Variants in PARG observed in about 807,000 individuals in gnomAD.
PARG encodes mitochondrial poly(ADP-ribose) glycohydrolase.
PARG carries 35 observed loss-of-function variants against 113.0 expected under a neutral mutation model. The ratio of observed to expected loss-of-function variants is 0.31; its 90% CI spans 0.24 to 0.41. The LOEUF is 0.41. Among genes scored for constraint, PARG ranks in the 10% least tolerant of loss-of-function variants. The pLI is 1.00. For synonymous variants in PARG, 330 were observed against 409.9 expected, an observed-to-expected ratio of 0.81 and a Z score of 2.36; for missense variants, 797 against 1,169.4, an observed-to-expected ratio of 0.68 and a Z score of 4.64.
At chr10:49,912,329 T>C (rs1837236085) in intron 7 of PARG, among the ~76,000 whole-genome samples, 1 of 151,620 alleles carries the variant, frequency 6.6e-6, no homozygotes, top group Non-Finnish European at 1.5e-5. Flanking sequence ...AAATAAAAAT[T>C]GAAAATATTG....
At chr10:49,859,011 G>A (rs1215638751) in intron 12 of PARG, among the ~76,000 whole-genome samples, 1 of 151,416 alleles carries the variant, frequency 6.6e-6, no homozygotes, top group Non-Finnish European at 1.5e-5. Context: ...TTATTGAAGA[G>A]CTTGTTACTA....
At position 49,841,932 on chromosome 10, in the gene PARG, A is replaced by C; in HGVS notation, c.2541+18T>G. On this transcript the variant is annotated intron_variant, in intron 15 of 17. Coordinates refer to ENST00000616448, the MANE Select transcript of PARG (RefSeq NM_003631.5). The stretch of plus-strand genomic sequence containing the variant: ...TAGATGACAGCTGCCAGATGAACTA[A>C]GAAATAAGGTTACTGGCCTTGTTCA... The C allele has an allele frequency of 2.0e-6, 3 of 1,477,560 alleles. No homozygotes were observed. Among genetic ancestry groups the C allele is most frequent in the Non-Finnish European group, 2.8e-6 (3 of 1,086,424 alleles). The allele number at this position is 1,477,560 out of a possible 1,614,324, so 91.5% of individuals were successfully genotyped here.
At chr10:49,896,080 T>A (rs1554842681) in intron 7 of PARG, among the ~76,000 whole-genome samples, 1 of 152,216 alleles carries the variant, frequency 6.6e-6, no homozygotes, top group Non-Finnish European at 1.5e-5. Flanking sequence ...AAACATTTTA[T>A]TTCTTTTTCT....
At chr10:49,824,243 GTTTAT>G (rs1844241752) in intron 16 of PARG, among the ~76,000 whole-genome samples, 1 of 152,040 alleles carries the variant, frequency 6.6e-6, no homozygotes, top group Non-Finnish European at 1.5e-5. Flanking sequence ...ACTGACAAAA[GTTTAT>G]TTTAAAACAT....
chr10:49,865,754 G>A (rs1846482740), intron 10 of PARG, among the ~76,000 whole-genome samples: 1 of 149,558 alleles, frequency 6.7e-6, no homozygotes, highest in Admixed American at 6.7e-5. Context: ...AACTGGTACA[G>A]CTAATGCAAT....
At chr10:49,921,547 C>CTACA (rs1230233720) in intron 6 of PARG, among the ~76,000 whole-genome samples, 1 of 151,522 alleles carries the variant, frequency 6.6e-6, no homozygotes, top group Admixed American at 6.6e-5. Flanking sequence ...AAAACAGGAG[C>CTACA]TACAGAAAGG....
At chr10:49,916,064 A>G (rs1185554107) in intron 6 of PARG, 73 bp from the exon 7 acceptor site, 1 of 774,762 alleles carries the variant, frequency 1.3e-6, no homozygotes, top group South Asian at 1.5e-5. Context: ...CCTGTCTCTT[A>G]TGAATTACCT....
intron 10 of PARG, among the ~76,000 whole-genome samples, chr10:49,868,098 G>A (rs1846609039): frequency 6.6e-6 from 1 of 152,048 alleles, no homozygotes; most frequent in South Asian, 2.1e-4. Flanking sequence ...AGTGATTCTT[G>A]TGCCTCAACC....
intron 16 of PARG, among the ~76,000 whole-genome samples, chr10:49,830,974 G>A (rs1844629397): frequency 6.6e-6 from 1 of 152,154 alleles, no homozygotes; most frequent in Non-Finnish European, 1.5e-5. Flanking sequence ...TGGTACATAT[G>A]TGCATACAAC....
chr10:49,941,998 C>T lies in PARG; in HGVS notation c.-273G>A, dbSNP rs1217833490. ...TTTCCCACCACCGGAAAGCTGCCGT[C>T]AGGCGCTTCCGGCTTCCGGGGCGCA... On this transcript the variant is annotated 5_prime_UTR_variant, in exon 1 of 18. Coordinates refer to ENST00000616448, the MANE Select transcript of PARG (RefSeq NM_003631.5). 13 of 934,972 alleles carry T rather than the reference C, an allele frequency of 1.4e-5. No homozygotes were observed. Among genetic ancestry groups the T allele is most frequent in the African/African-American group, 3.3e-5 (2 of 60,268 alleles). 57.9% of individuals were successfully genotyped at this position (934,972 alleles called of 1,614,324 possible).
At chr10:49,856,334 C>T (rs1207105838) in intron 13 of PARG, among the ~76,000 whole-genome samples, 15 of 151,664 alleles carry the variant, frequency 9.9e-5, no homozygotes, top group African/African-American at 1.7e-4. Flanking sequence ...CACCCACCAC[C>T]GTGCCTGGCT....
intron 10 of PARG, 112 bp downstream of exon 10, chr10:49,869,364 T>A: frequency 1.5e-6 from 1 of 670,690 alleles, no homozygotes; most frequent in Non-Finnish European, 2.7e-6. Context: ...AGTGTTTCAA[T>A]GTGGTTGGGA....
chr10:49,883,600 A>G (rs1847316509), intron 8 of PARG, among the ~76,000 whole-genome samples: 2 of 149,802 alleles, frequency 1.3e-5, no homozygotes, highest in East Asian at 3.9e-4. Context: ...GGAGTTCGAG[A>G]CCAGCCTGGC....
intron 13 of PARG, among the ~76,000 whole-genome samples, chr10:49,852,422 C>G (rs1248693510): frequency 6.6e-6 from 1 of 151,254 alleles, no homozygotes; most frequent in East Asian, 1.9e-4. Flanking sequence ...CTTTTTTAGA[C>G]TGGGGACAAA....
chr10:49,910,745 C>T (rs1837128595), intron 7 of PARG, among the ~76,000 whole-genome samples: 2 of 152,054 alleles, frequency 1.3e-5, no homozygotes, highest in Admixed American at 6.6e-5. Flanking sequence ...ATTTAAAGCT[C>T]TTTATAATAA....
intron 4 of PARG, among the ~76,000 whole-genome samples, chr10:49,931,742 A>G (rs1838491933): frequency 6.6e-6 from 1 of 150,724 alleles, no homozygotes; most frequent in Non-Finnish European, 1.5e-5. Context: ...ATTTAAGGAC[A>G]CTAAACCATA....
intron 2 of PARG, among the ~76,000 whole-genome samples, chr10:49,934,377 T>C (rs1306591094): frequency 6.6e-6 from 1 of 152,040 alleles, no homozygotes; most frequent in Non-Finnish European, 1.5e-5. Context: ...AAGTCATAAA[T>C]GTCACTCACC....
chr10:49,850,466 AT>A (rs1845709309), intron 13 of PARG, among the ~76,000 whole-genome samples: 1 of 152,168 alleles, frequency 6.6e-6, no homozygotes, highest in African/African-American at 2.4e-5. Flanking sequence ...ATTAGAAATA[AT>A]TTTTTTAAGG....
intron 13 of PARG, among the ~76,000 whole-genome samples, chr10:49,853,634 A>C (rs1845859063): frequency 6.6e-6 from 1 of 151,880 alleles, no homozygotes; most frequent in Non-Finnish European, 1.5e-5. Context: ...TTTCCATTTC[A>C]GTATAATTTG....
Sources: gnomAD v4.1 joint callset for allele counts (sites outside exome capture counted in the v4.1 genomes callset) on GRCh38, gnomAD v4.1.1 for gene constraint, MANE v1.5 for transcripts, NCBI Gene and HGNC (gene_info 2026-07-23, HGNC 2026-07-21) for gene names.